KIZ: variants seen among roughly 807,000 people sequenced by gnomAD.
KIZ encodes kizuna centrosomal protein, also known as centrosomal protein kizuna.
In KIZ, 68 loss-of-function variants were observed where a neutral mutation model predicts 79.6. That is an observed-to-expected ratio of 0.85 (90% confidence interval 0.70 to 1.05). The LOEUF (loss-of-function observed/expected upper bound fraction) is 1.05. Ranked by LOEUF, KIZ falls within the 50% of genes least tolerant of loss-of-function variation. The pLI is 0.00. For synonymous variants in KIZ, 280 were observed against 281.8 expected (o/e 0.99, Z 0.06); for missense variants, 797 against 800.4 (o/e 1.00, Z 0.05).
chr20:21,148,355 C>T (rs2032954102), intron 4 of KIZ, among the ~76,000 whole-genome samples: 1 of 152,154 alleles, frequency 6.6e-6, no homozygotes, highest in Admixed American at 6.5e-5. Flanking sequence ...AACTCTGGCT[C>T]AGTTTTGGTG....
intron 1 of KIZ, among the ~76,000 whole-genome samples, chr20:21,130,090 C>G (rs1048759700): frequency 6.6e-6 from 1 of 152,222 alleles, no homozygotes; most frequent in Non-Finnish European, 1.5e-5. Flanking sequence ...CACCAGCTAT[C>G]TTAACGATGC....
intron 6 of KIZ, among the ~76,000 whole-genome samples, chr20:21,185,341 A>T (rs1267648910): frequency 6.6e-6 from 1 of 151,140 alleles, no homozygotes; most frequent in Non-Finnish European, 1.5e-5. Context: ...TGAAAACAGT[A>T]CTAGTTTCAA....
chr20:21,148,833 G>A (rs573209298), intron 4 of KIZ: 33 of 152,304 alleles, frequency 2.2e-4, no homozygotes, highest in Admixed American at 2.0e-3. Flanking sequence ...GGGATGGATA[G>A]GTGTGGAGGA....
At chr20:21,222,257 CA>C (rs2036524603) in intron 9 of KIZ, among the ~76,000 whole-genome samples, 3 of 152,268 alleles carry the variant, frequency 2.0e-5, no homozygotes, top group Admixed American at 6.5e-5. Flanking sequence ...TCATAAATGC[CA>C]AGAGAAATTC....
At chr20:21,167,460 T>G (rs1432683548) in intron 6 of KIZ, among the ~76,000 whole-genome samples, 1 of 152,080 alleles carries the variant, frequency 6.6e-6, no homozygotes, top group Non-Finnish European at 1.5e-5. Context: ...TAAGCAGTAG[T>G]GGAACATTAT....
At chr20:21,244,347 G>T in intron 12 of KIZ, 59 bp downstream of exon 12, 1 of 1,233,022 alleles carries the variant, frequency 8.1e-7, no homozygotes, top group South Asian at 1.2e-5. Context: ...AAAACTCTGT[G>T]ACATGCATTT....
At chr20:21,222,885 G>A (rs536811304) in intron 9 of KIZ, among the ~76,000 whole-genome samples, 11 of 152,318 alleles carry the variant, frequency 7.2e-5, no homozygotes, top group African/African-American at 1.7e-4. Context: ...ATAAGGTCAC[G>A]TTCTGAGGTT....
At chr20:21,241,737 C>G (rs2037223095) in intron 11 of KIZ, among the ~76,000 whole-genome samples, 1 of 152,210 alleles carries the variant, frequency 6.6e-6, no homozygotes. Context: ...AGTGGGTCAC[C>G]TCCGTGGTGG....
At chr20:21,137,281 G>A (rs934567046) in intron 3 of KIZ, among the ~76,000 whole-genome samples, 1 of 152,124 alleles carries the variant, frequency 6.6e-6, no homozygotes, top group African/African-American at 2.4e-5. Flanking sequence ...AAGTGCAGGT[G>A]CTTGGCTGCC....
intron 6 of KIZ, among the ~76,000 whole-genome samples, chr20:21,192,279 AT>A (rs1260846529): frequency 0.037 from 3,350 of 91,074 alleles, 76 homozygotes; most frequent in African/African-American, 0.091. Flanking sequence ...TCATTTCTGG[AT>A]TTTTTTTTTT....
At chr20:21,146,384 T>G (rs2032849236) in intron 4 of KIZ, among the ~76,000 whole-genome samples, 1 of 152,232 alleles carries the variant, frequency 6.6e-6, no homozygotes. Flanking sequence ...ACAGCGTGCT[T>G]GTTCCTTAGG....
Position 21,190,034 on chromosome 20 carries a change from C to T in KIZ, c.1353-15457C>T, listed in dbSNP as rs1010213403. Among the ~76,000 whole-genome samples the T allele has an allele frequency of 5.3e-5, 8 of 152,232 alleles. No individual in the cohort carries two copies. In the East Asian group the frequency reaches 9.6e-4, roughly 18 times the overall value. On this transcript the variant is annotated intron_variant, in intron 6 of 12. Transcript: ENST00000619189. ...ATGTATGTGTTTGTCCTTTCTACAA[C>T]TGTTTTGTGTGGCAAACAAAACCCT...
chr20:21,172,582 A>C (rs1721583100), intron 6 of KIZ, among the ~76,000 whole-genome samples: 1 of 151,686 alleles, frequency 6.6e-6, no homozygotes, highest in Non-Finnish European at 1.5e-5. Context: ...CTGGGTGACA[A>C]AGAGAGACTC....
intron 4 of KIZ, among the ~76,000 whole-genome samples, chr20:21,149,558 G>A (rs1324087284): frequency 2.6e-5 from 4 of 152,260 alleles, no homozygotes; most frequent in South Asian, 4.1e-4. Flanking sequence ...GATGAGCTCT[G>A]CAGTGGCTTT....
chr20:21,155,274 T>G (rs1264213418), intron 4 of KIZ, among the ~76,000 whole-genome samples: 1 of 152,234 alleles, frequency 6.6e-6, no homozygotes, highest in East Asian at 1.9e-4. Context: ...ATTTACATGT[T>G]CTCATCTGAT....
chr20:21,145,559 A>AT lies in KIZ; in HGVS notation c.316-3dup. 7.0e-7 allele frequency: 1 copy of AT among 1,424,896 alleles called. No individual in the cohort carries two copies. Among genetic ancestry groups the AT allele is most frequent in the Non-Finnish European group, 9.6e-7 (1 of 1,045,186 alleles). 88.3% of individuals were successfully genotyped at this position (1,424,896 alleles called of 1,614,324 possible). A position where few individuals can be genotyped will look rare whatever the true frequency, so the allele number is the denominator to read the frequency against. On this transcript the variant is annotated splice_region_variant and splice_polypyrimidine_tract_variant and intron_variant, in intron 3 of 12. Transcript: ENST00000619189. The stretch of plus-strand genomic sequence containing the variant: ...TATCACAAAATCAAACTTTCTTTAT[A>AT]TTTAGCTCGAATATGAGACTCAAAT...
At chr20:21,217,438 T>C (rs2036337014) in intron 9 of KIZ, among the ~76,000 whole-genome samples, 1 of 152,226 alleles carries the variant, frequency 6.6e-6, no homozygotes, top group Admixed American at 6.5e-5. Flanking sequence ...AGAGTCTGTC[T>C]GCCTCTTTAT....
chr20:21,193,771 C>T (rs571242408), intron 6 of KIZ, among the ~76,000 whole-genome samples: 6 of 146,682 alleles, frequency 4.1e-5, no homozygotes, highest in Admixed American at 2.1e-4. Context: ...AACCAAACAC[C>T]GCATGTTCTC....
chr20:21,239,765 G>T (rs1428013672), intron 11 of KIZ, among the ~76,000 whole-genome samples: 2 of 152,210 alleles, frequency 1.3e-5, no homozygotes, highest in Non-Finnish European at 2.9e-5. Context: ...AGTGTTCACT[G>T]TGTGCCAGGG....
Sources: gnomAD v4.1 joint callset for allele counts (sites outside exome capture counted in the v4.1 genomes callset) on GRCh38, gnomAD v4.1.1 for gene constraint, MANE v1.5 for transcripts, NCBI Gene and HGNC (gene_info 2026-07-23, HGNC 2026-07-21) for gene names.